Variants in CCER1 observed in about 807,000 individuals in gnomAD.
CCER1 encodes the protein coiled-coil glutamate rich protein 1, also known as coiled-coil domain-containing glutamate-rich protein 1.
For missense variants in CCER1, 573 were observed against 524.5 expected (o/e 1.09, Z -0.90); for synonymous variants, 246 against 213.8 (o/e 1.15, Z -1.31).
rs752945465 is a variant in CCER1, at chr12:90,954,733, T to C, written c.10A>G (p.Thr4Ala). Residue 4 changes from threonine to alanine, a missense_variant, in exon 1 of 1, where the codon ACC (threonine) becomes GCC (alanine). By Grantham distance (58) the Thr-to-Ala change is moderately conservative. Transcript: ENST00000358859. Reference protein sequence around the residue: MTQTLDTREDPLNL... With the variant: MTQALDTREDPLNL... Reference sequence around the variant, plus strand: ...AGAGGGTCTTCCCTTGTGTCGAGGGTCTGAGTCATGGTTCAGGGAGCTCCG... The same window carrying C: ...AGAGGGTCTTCCCTTGTGTCGAGGGCCTGAGTCATGGTTCAGGGAGCTCCG... 1 of 1,550,216 alleles carries C rather than the reference T, an allele frequency of 6.5e-7. No homozygotes were observed. Among genetic ancestry groups the C allele is most frequent in the South Asian group, 1.2e-5 (1 of 84,118 alleles).
At position 90,954,111 on chromosome 12, in the gene CCER1, T is replaced by C; in HGVS notation, c.632A>G (p.Gln211Arg). The C allele has an allele frequency of 1.2e-6, 2 of 1,612,858 alleles. No individual in the cohort carries two copies. The highest frequency in any genetic ancestry group is 1.7e-6 in the Non-Finnish European group (2 of 1,179,966). Residue 211 changes from glutamine to arginine, a missense_variant, in exon 1 of 1, where the codon CAG (glutamine) becomes CGG (arginine). Physicochemically the swap from Gln to Arg is conservative, Grantham distance 43. Coordinates refer to ENST00000358859, the MANE Select transcript of CCER1 (RefSeq NM_152638.4). Reference sequence around the variant, plus strand: ...GGCCTTCTGCGCCCGCAGCGCCTCCTGCTGACGCTCCACCTTCTCCTGCTG... The same window carrying C: ...GGCCTTCTGCGCCCGCAGCGCCTCCCGCTGACGCTCCACCTTCTCCTGCTG... ...MRQQEKVERQ[Q>R]EALRAQKATV...
Position 90,954,551 on chromosome 12 carries a change from C to T in CCER1, c.192G>A (p.Arg64=), listed in dbSNP as rs1876591392. The change falls in exon 1 of 1, where the codon AGG becomes AGA. Residue 64 remains arginine, a synonymous_variant. Coordinates refer to ENST00000358859, the MANE Select transcript of CCER1 (RefSeq NM_152638.4). ...YSPKTEYGPP[R]KQPKQQHGPG... is the part of the protein sequence containing the mutation. ...GGCCGTGCTGTTGCTTCGGCTGCTT[C>T]CTTGGGGGCCCATACTCGGTCTTGG... 1 of 1,613,756 alleles carries T rather than the reference C, an allele frequency of 6.2e-7. No individual in the cohort carries two copies. The highest frequency in any genetic ancestry group is 2.2e-5 in the East Asian group (1 of 44,854).
Position 90,954,429 on chromosome 12 carries a change from G to A in CCER1, c.314C>T (p.Pro105Leu), listed in dbSNP as rs767277765. The A allele has an allele frequency of 1.2e-6, 2 of 1,611,392 alleles. No individual in the cohort carries two copies. The highest frequency in any genetic ancestry group is 4.5e-5 in the East Asian group (2 of 44,822). Residue 105 changes from proline (P) to leucine (L), a missense_variant, in exon 1 of 1, where the codon CCG becomes CTG. Transcript: ENST00000358859. ...PPPGFWKFPCPVQVFRVYGLH... is the reference protein window; with the variant it reads ...PPPGFWKFPCLVQVFRVYGLH... ...GCCATACACCCGAAACACTTGCACC[G>A]GGCAGGGGAATTTCCAGAATCCTGG...
rs1876515797 is a variant in CCER1 at position 90,952,987 on chromosome 12, C to T, written c.*535G>A. ...GCAAATGAGGTTAACAAAATATAAC[C>T]CTCAAAAATGAACTCTGATGGTGGA... On this transcript the variant is annotated 3_prime_UTR_variant, in exon 1 of 1. Coordinates refer to ENST00000358859, the MANE Select transcript of CCER1 (RefSeq NM_152638.4). 1 of 152,934 alleles carries T rather than the reference C, an allele frequency of 6.5e-6. No individual in the cohort carries two copies. Among genetic ancestry groups the T allele is most frequent in the South Asian group, 2.1e-4 (1 of 4,844 alleles). The allele number at this position is 152,934 out of a possible 1,614,324, so 9.5% of individuals were successfully genotyped here. A position where few individuals can be genotyped will look rare whatever the true frequency, so the allele number is the denominator to read the frequency against.
At position 90,953,379 on chromosome 12, in the gene CCER1, A is replaced by G; in HGVS notation, c.*143T>C. 9.6e-7 allele frequency: 1 copy of G among 1,040,262 alleles called. No individual in the cohort carries two copies. Among genetic ancestry groups the G allele is most frequent in the Non-Finnish European group, 1.3e-6 (1 of 744,004 alleles). 64.4% of individuals were successfully genotyped at this position (1,040,262 alleles called of 1,614,324 possible). On this transcript the variant is annotated 3_prime_UTR_variant, in exon 1 of 1. Transcript: ENST00000358859. ...GTCATACACATACGCATCAAATTTT[A>G]AACATTTTATAATGGCCAAAGAAGG...
rs545190389 is a variant in CCER1 at position 90,952,384 on chromosome 12, T to A, written c.*1138A>T. The A allele has an allele frequency of 3.3e-5, 5 of 152,572 alleles. No individual in the cohort carries two copies. The highest frequency in any genetic ancestry group is 1.2e-4 in the African/African-American group (5 of 41,576). The allele number at this position is 152,572 out of a possible 1,614,324, so 9.5% of individuals were successfully genotyped here. A position where few individuals can be genotyped will look rare whatever the true frequency, so the allele number is the denominator to read the frequency against. On this transcript the variant is annotated 3_prime_UTR_variant, in exon 1 of 1. Transcript: ENST00000358859. ...AAGATTTAATTTCTGAGAAGGCATG[T>A]TTAAATTCATCATCTAGGGATATTC...
Position 90,953,864 on chromosome 12 carries a change from C to T in CCER1, c.879G>A (p.Glu293=). The change falls in exon 1 of 1, where the codon GAG becomes GAA. Residue 293 remains glutamate, a synonymous_variant. Transcript: ENST00000358859. ...CGCTCGCCTCCTTTGCATCACACACCTCCTGGTCATACTCCTCCTCATCAT... is the reference window on the plus strand; with the variant it reads ...CGCTCGCCTCCTTTGCATCACACACTTCCTGGTCATACTCCTCCTCATCAT... ...KNDDEEEYDQ[E]VCDAKEASEE... is the part of the protein sequence containing the mutation. The T allele has an allele frequency of 1.9e-6, 3 of 1,610,292 alleles. No individual in the cohort carries two copies. Among genetic ancestry groups the T allele is most frequent in the Non-Finnish European group, 2.5e-6 (3 of 1,176,604 alleles).
chr12:90,954,950 C>T lies in CCER1; in HGVS notation c.-208G>A. The T allele has an allele frequency of 1.0e-6, 1 of 992,276 alleles. No individual in the cohort carries two copies. Among genetic ancestry groups the T allele is most frequent in the Non-Finnish European group, 1.5e-6 (1 of 687,142 alleles). The allele number at this position is 992,276 out of a possible 1,614,324, so 61.5% of individuals were successfully genotyped here. A position where few individuals can be genotyped will look rare whatever the true frequency, so the allele number is the denominator to read the frequency against. Reference sequence around the variant, plus strand: ...TTCGGTAGTAATCGCTTGTCCTTCGCACCTGGGTTGTCTCGCCCAGGTGTG... The same window carrying T: ...TTCGGTAGTAATCGCTTGTCCTTCGTACCTGGGTTGTCTCGCCCAGGTGTG... On this transcript the variant is annotated 5_prime_UTR_variant, in exon 1 of 1. Coordinates refer to ENST00000358859, the MANE Select transcript of CCER1 (RefSeq NM_152638.4).
rs988799008 is a variant in CCER1 at position 90,954,827 on chromosome 12, C to A, written c.-85G>T. ...CCAGGTAGGACGGTCAGAAGAGCCT[C>A]GTCTCGTCAACCTGTCTCTCCACGC... On this transcript the variant is annotated 5_prime_UTR_variant, in exon 1 of 1. Coordinates refer to ENST00000358859, the MANE Select transcript of CCER1 (RefSeq NM_152638.4). The A allele has an allele frequency of 2.7e-6, 4 of 1,471,498 alleles. No homozygotes were observed. The African/African-American group carries it at 5.7e-5, about 21-fold the overall frequency. 91.2% of individuals were successfully genotyped at this position (1,471,498 alleles called of 1,614,324 possible). A position where few individuals can be genotyped will look rare whatever the true frequency, so the allele number is the denominator to read the frequency against.
In CCER1 at chr12:90,954,876, A is replaced by T. The variant is rs1876610914; in HGVS notation, c.-134T>A. The T allele has an allele frequency of 6.9e-7, 1 of 1,442,848 alleles. No homozygotes were observed. Among genetic ancestry groups the T allele is most frequent in the Non-Finnish European group, 9.2e-7 (1 of 1,092,650 alleles). 89.4% of individuals were successfully genotyped at this position (1,442,848 alleles called of 1,614,324 possible). ...GCAGCGCCACGTGTCTACCCCTGGGATCACGTTTTCCTCTCCAGGAGGCTG... is the reference window on the plus strand; with the variant it reads ...GCAGCGCCACGTGTCTACCCCTGGGTTCACGTTTTCCTCTCCAGGAGGCTG... On this transcript the variant is annotated 5_prime_UTR_variant, in exon 1 of 1. Coordinates refer to ENST00000358859, the MANE Select transcript of CCER1 (RefSeq NM_152638.4).
chr12:90,953,251 G>A lies in CCER1; in HGVS notation c.*271C>T. 1 of 353,558 alleles carries A rather than the reference G, an allele frequency of 2.8e-6. No individual in the cohort carries two copies. The highest frequency in any genetic ancestry group is 5.0e-6 in the Non-Finnish European group (1 of 198,850). The allele number at this position is 353,558 out of a possible 1,614,324, so 21.9% of individuals were successfully genotyped here. ...AACAGCAACTCTGTTTTCTAGAGGG[G>A]AAAACACCAAATGAAAATATTCAAA... On this transcript the variant is annotated 3_prime_UTR_variant, in exon 1 of 1. Coordinates refer to ENST00000358859, the MANE Select transcript of CCER1 (RefSeq NM_152638.4).
rs34941758 is a variant in CCER1, at chr12:90,952,662, T to TA, written c.*859dup. The TA allele has an allele frequency of 0.21, 31,424 of 149,352 alleles. 3,968 individuals carry two copies. The highest frequency in any genetic ancestry group is 0.29 in the Non-Finnish European group (19,525 of 67,158). The allele number at this position is 149,352 out of a possible 1,614,324, so 9.3% of individuals were successfully genotyped here. ...CCAAAAGGTAGATAATCTTTTTATC[T>TA]AAAAAAAAAAATCCATTCTGGAAAA... is the stretch of plus-strand genomic sequence containing the variant. On this transcript the variant is annotated 3_prime_UTR_variant, in exon 1 of 1. Transcript: ENST00000358859.
chr12:90,955,067 C>A lies in CCER1; in HGVS notation c.-325G>T, dbSNP rs754066601. On this transcript the variant is annotated 5_prime_UTR_variant, in exon 1 of 1. Coordinates refer to ENST00000358859, the MANE Select transcript of CCER1 (RefSeq NM_152638.4). ...GACCCACTCCCGGGTCCCCACCACACCCGGCTCTGCTGAGGCACGGGCTGG... is the reference window on the plus strand; with the variant it reads ...GACCCACTCCCGGGTCCCCACCACAACCGGCTCTGCTGAGGCACGGGCTGG... 1 of 417,470 alleles carries A rather than the reference C, an allele frequency of 2.4e-6. No homozygotes were observed. Among genetic ancestry groups the A allele is most frequent in the Non-Finnish European group, 4.5e-6 (1 of 224,296 alleles). 25.9% of individuals were successfully genotyped at this position (417,470 alleles called of 1,614,324 possible).
rs773633737 is a variant in CCER1, at chr12:90,954,056, TCTGG to T, written c.683_686del (p.Ala228AspfsTer31). ...CAGGGGGCGCGTCGTTTCCGGAGGA[TCTGG>T]CTGGGGAGGCCTCGCCGCTCACCGT... On this transcript the variant is annotated frameshift_variant, in exon 1 of 1. Transcript: ENST00000358859. LOFTEE classifies it low-confidence loss of function (END_TRUNC). The T allele has an allele frequency of 6.2e-7, 1 of 1,614,092 alleles. No homozygotes were observed. Among genetic ancestry groups the T allele is most frequent in the Non-Finnish European group, 8.5e-7 (1 of 1,180,034 alleles).
rs956375546 is a variant in CCER1 at position 90,953,263 on chromosome 12, T to C, written c.*259A>G. 1.1e-5 allele frequency: 4 copies of C among 372,086 alleles called. No homozygotes were observed. The highest frequency in any genetic ancestry group is 8.7e-5 in the Admixed American group (2 of 22,970). 23.0% of individuals were successfully genotyped at this position (372,086 alleles called of 1,614,324 possible). A position where few individuals can be genotyped will look rare whatever the true frequency, so the allele number is the denominator to read the frequency against. ...GTTTTCTAGAGGGGAAAACACCAAATGAAAATATTCAAATGGTAGTAATAA... is the reference window on the plus strand; with the variant it reads ...GTTTTCTAGAGGGGAAAACACCAAACGAAAATATTCAAATGGTAGTAATAA... On this transcript the variant is annotated 3_prime_UTR_variant, in exon 1 of 1. Transcript: ENST00000358859.
In CCER1 at chr12:90,954,702, A is replaced by G. The variant is rs1389087001; in HGVS notation, c.41T>C (p.Leu14Pro). The change falls in exon 1 of 1, where the codon CTG becomes CCG. Residue 14 changes from leucine to proline, a missense_variant. Coordinates refer to ENST00000358859, the MANE Select transcript of CCER1 (RefSeq NM_152638.4). Reference sequence around the variant, plus strand: ...ACAGCCGCCGCCGCCACCGCCGCCCAGGTTCAGAGGGTCTTCCCTTGTGTC... The same window carrying G: ...ACAGCCGCCGCCGCCACCGCCGCCCGGGTTCAGAGGGTCTTCCCTTGTGTC... ...TLDTREDPLNLGGGGGGGCGC... is the reference protein window; with the variant it reads ...TLDTREDPLNPGGGGGGGCGC... 2 of 1,565,274 alleles carry G rather than the reference A, an allele frequency of 1.3e-6. No homozygotes were observed. The highest frequency in any genetic ancestry group is 1.9e-5 in the Admixed American group (1 of 52,856).
At position 90,954,231 on chromosome 12, in the gene CCER1, C is replaced by A. The variant is rs774734041; in HGVS notation, c.512G>T (p.Arg171Leu). 2 of 1,606,758 alleles carry A rather than the reference C, an allele frequency of 1.2e-6. No homozygotes were observed. The highest frequency in any genetic ancestry group is 1.7e-6 in the Non-Finnish European group (2 of 1,179,776). The change falls in exon 1 of 1, where the codon CGG (arginine) becomes CTG (leucine). Residue 171 changes from arginine to leucine, a missense_variant. Physicochemically the swap from Arg to Leu is moderately radical, Grantham distance 102 (BLOSUM62 -2). Coordinates refer to ENST00000358859, the MANE Select transcript of CCER1 (RefSeq NM_152638.4). ...SPPADVSTLP[R>L]PVKLYEWREP... ...TCTCCACTCATACAGCTTGACCGGC[C>A]GCGGCAGCGTGCTCACATCCGCTGG... is the stretch of plus-strand genomic sequence containing the variant.
Position 90,954,764 on chromosome 12 carries a change from T to G in CCER1, c.-22A>C, listed in dbSNP as rs1411346582. ...TCATGGTTCAGGGAGCTCCGAGAGG[T>G]CCAGATGGTAGCGACCTGAAGCTGT... On this transcript the variant is annotated 5_prime_UTR_variant, in exon 1 of 1. Coordinates refer to ENST00000358859, the MANE Select transcript of CCER1 (RefSeq NM_152638.4). 1 of 1,535,056 alleles carries G rather than the reference T, an allele frequency of 6.5e-7. No homozygotes were observed. Among genetic ancestry groups the G allele is most frequent in the Admixed American group, 2.0e-5 (1 of 49,794 alleles).
At position 90,954,299 on chromosome 12, in the gene CCER1, G is replaced by C. The variant is rs747767336; in HGVS notation, c.444C>G (p.Arg148=). ...GRKKRWGRRG[R]GLRHHPRHSY... is the part of the protein sequence containing the mutation. ...AGTGGCGAGGGTGGTGGCGCAGGCC[G>C]CGGCCTCTGCGGCCCCAGCGCTTCT... Residue 148 remains arginine, a synonymous_variant, in exon 1 of 1, where the codon CGC becomes CGG. Coordinates refer to ENST00000358859, the MANE Select transcript of CCER1 (RefSeq NM_152638.4). 6.3e-7 allele frequency: 1 copy of C among 1,599,948 alleles called. No individual in the cohort carries two copies. The highest frequency in any genetic ancestry group is 8.5e-7 in the Non-Finnish European group (1 of 1,177,478).
Sources: allele counts gnomAD v4.1 joint callset, GRCh38; gene constraint gnomAD v4.1.1; transcripts MANE v1.5; gene names NCBI Gene and HGNC (gene_info 2026-07-23, HGNC 2026-07-21).